The following TRAPPC8 variants were observed in gnomAD, a reference collection of about 807,000 sequenced individuals.
TRAPPC8 encodes the protein trafficking protein particle complex subunit 8, also known as general sporulation gene 1 homolog.
TRAPPC8 carries 54 observed loss-of-function variants against 174.3 expected under a neutral mutation model. That is an observed-to-expected ratio of 0.31 (90% CI 0.25 to 0.39). TRAPPC8 has a LOEUF of 0.39. Among genes scored for constraint, TRAPPC8 ranks in the 10% least tolerant of loss-of-function variants. The probability of loss-of-function intolerance (pLI) is 1.00; values close to 1 mark genes in which losing one functional copy is unlikely to be tolerated. For synonymous variants in TRAPPC8, 630 were observed against 579.9 expected (o/e 1.09, Z -1.24); for missense variants, 1,531 against 1,699.1 (o/e 0.90, Z 1.74).
At chr18:31,942,535 T>G in intron 1 of TRAPPC8, 73 bp downstream of exon 1, 1 of 1,450,472 alleles carries the variant, frequency 6.9e-7, no homozygotes, top group Admixed American at 2.5e-5. Flanking sequence ...TTCTCTTCCC[T>G]GCCCGCCCGC....
At chr18:31,875,360 T>C (rs1202791013) in intron 12 of TRAPPC8, among the ~76,000 whole-genome samples, 1 of 149,644 alleles carries the variant, frequency 6.7e-6, no homozygotes, top group Non-Finnish European at 1.5e-5. Context: ...ATAAATAAAC[T>C]TTTTTTTTCT....
At chr18:31,902,348 T>C (rs1444965936) in intron 9 of TRAPPC8, among the ~76,000 whole-genome samples, 1 of 151,830 alleles carries the variant, frequency 6.6e-6, no homozygotes, top group African/African-American at 2.4e-5. Context: ...AAACAAACAA[T>C]AACAACAACA....
At position 31,834,016 on chromosome 18, in the gene TRAPPC8, A is replaced by AAC. The variant is rs1437995484; in HGVS notation, c.3984-1844_3984-1843insGT. Reference sequence around the variant, plus strand: ...GACTCCGTCTCAAAAAAAAAAAACAAAAAACAGAAATTACATTTCTAAGTT... The same window carrying AAC: ...GACTCCGTCTCAAAAAAAAAAAACAAACAAAACAGAAATTACATTTCTAAGTT... On this transcript the variant is annotated intron_variant, in intron 27 of 28. Transcript: ENST00000283351. 6.2e-4 allele frequency among the ~76,000 whole-genome samples: 93 copies of AAC among 151,204 alleles called. 2 individuals carry two copies. In the East Asian group the frequency reaches 0.016, roughly 26 times the overall value.
At chr18:31,897,163 ATG>A (rs950975212) in intron 11 of TRAPPC8, among the ~76,000 whole-genome samples, 2 of 152,210 alleles carry the variant, frequency 1.3e-5, no homozygotes, top group African/African-American at 4.8e-5. Context: ...CATCTAAAAA[ATG>A]TGTTATTAAC....
At chr18:31,861,295 C>T (rs887182083) in intron 19 of TRAPPC8, among the ~76,000 whole-genome samples, 22 of 152,248 alleles carry the variant, frequency 1.4e-4, no homozygotes, top group African/African-American at 5.1e-4. Flanking sequence ...CTAAAATACC[C>T]TCTTCAAGAA....
At chr18:31,906,590 G>A (rs937828189) in intron 9 of TRAPPC8, among the ~76,000 whole-genome samples, 36 of 152,110 alleles carry the variant, frequency 2.4e-4, no homozygotes, top group Non-Finnish European at 3.2e-4. Context: ...TCTTTTAAAA[G>A]ATTAAATAAA....
chr18:31,836,261 C>T (rs1259154782), intron 27 of TRAPPC8, among the ~76,000 whole-genome samples: 2 of 152,150 alleles, frequency 1.3e-5, no homozygotes, highest in African/African-American at 2.4e-5. Flanking sequence ...GAGAAAACTG[C>T]CACATTTTAT....
chr18:31,874,755 T>C, intron 12 of TRAPPC8, 51 bp from the exon 13 acceptor site: 1 of 1,499,376 alleles, frequency 6.7e-7, no homozygotes, highest in Non-Finnish European at 9.0e-7. Context: ...TTGTTTGAAC[T>C]AGAAAAAACA....
chr18:31,918,045 G>C (rs936292764), intron 2 of TRAPPC8, among the ~76,000 whole-genome samples: 2 of 152,126 alleles, frequency 1.3e-5, no homozygotes, highest in Admixed American at 1.3e-4. Context: ...AGAACTGCTT[G>C]AACCCGGGAG....
chr18:31,915,006 C>T (rs2037070835), intron 4 of TRAPPC8, among the ~76,000 whole-genome samples: 1 of 151,842 alleles, frequency 6.6e-6, no homozygotes, highest in African/African-American at 2.4e-5. Context: ...CAAGTCAGGC[C>T]ATGAAAAGTG....
chr18:31,890,905 A>T (rs746158691), intron 11 of TRAPPC8, 39 bp from the exon 12 acceptor site: 37 of 1,560,682 alleles, frequency 2.4e-5, no homozygotes, highest in Non-Finnish European at 2.9e-5. Flanking sequence ...TAGTTTCACC[A>T]AGTTAAAAGT....
chr18:31,931,817 A>G (rs1416889264), intron 1 of TRAPPC8, among the ~76,000 whole-genome samples: 2 of 152,186 alleles, frequency 1.3e-5, no homozygotes, highest in South Asian at 2.1e-4. Flanking sequence ...ACTACTATCC[A>G]TACCACTTCC....
intron 11 of TRAPPC8, 197 bp from the exon 12 acceptor site, chr18:31,891,063 ATCT>A: frequency 3.0e-6 from 1 of 331,586 alleles, no homozygotes. Flanking sequence ...CTTTGAAAAC[ATCT>A]TCTACCATGA....
chr18:31,918,998 G>A (rs2037262907), intron 2 of TRAPPC8, among the ~76,000 whole-genome samples: 1 of 152,022 alleles, frequency 6.6e-6, no homozygotes, highest in South Asian at 2.1e-4. Flanking sequence ...TATTCTTTCT[G>A]CTTATATTAT....
At chr18:31,933,850 C>CA (rs1439619832) in intron 1 of TRAPPC8, among the ~76,000 whole-genome samples, 1 of 151,868 alleles carries the variant, frequency 6.6e-6, no homozygotes, top group Admixed American at 6.6e-5. Flanking sequence ...GTATGTGGTA[C>CA]AAATGTGTAT....
At chr18:31,861,753 G>A (rs1462471686) in intron 19 of TRAPPC8, among the ~76,000 whole-genome samples, 3 of 151,784 alleles carry the variant, frequency 2.0e-5, no homozygotes, top group Admixed American at 6.6e-5. Flanking sequence ...CCTGGGCAAC[G>A]TAGTGAAACC....
intron 5 of TRAPPC8, 121 bp from the exon 6 acceptor site, chr18:31,909,881 G>T: frequency 3.3e-6 from 2 of 598,114 alleles, no homozygotes; most frequent in Non-Finnish European, 5.2e-6. Flanking sequence ...TTGCTACAGT[G>T]AGCATTTTCT....
At chr18:31,898,506 G>A (rs770602573) in intron 10 of TRAPPC8, among the ~76,000 whole-genome samples, 2 of 152,140 alleles carry the variant, frequency 1.3e-5, no homozygotes, top group Non-Finnish European at 2.9e-5. Context: ...AGTCTGCTTT[G>A]AACAGAAAAA....
At chr18:31,903,638 C>A (rs1286543020) in intron 9 of TRAPPC8, among the ~76,000 whole-genome samples, 4 of 152,194 alleles carry the variant, frequency 2.6e-5, no homozygotes, top group African/African-American at 9.7e-5. Flanking sequence ...CAATTACAAA[C>A]TCTAGTTTAT....
Sources: allele counts gnomAD v4.1 joint callset (sites outside exome capture counted in the v4.1 genomes callset), GRCh38; gene constraint gnomAD v4.1.1; transcripts MANE v1.5; gene names NCBI Gene and HGNC (gene_info 2026-07-23, HGNC 2026-07-21).